The following DMD variants were observed in gnomAD, a reference collection of about 807,000 sequenced individuals.
DMD encodes mutant dystrophin.
Under a neutral mutation model 330.1 loss-of-function variants are expected in DMD, and 63 were observed. The ratio of observed to expected loss-of-function variants is 0.19; its 90% CI spans 0.16 to 0.24. The LOEUF (loss-of-function observed/expected upper bound fraction) is 0.24. Ranked by LOEUF, DMD falls within the 10% of genes least tolerant of loss-of-function variation. DMD has a pLI of 1.00. For missense variants in DMD, 3,344 were observed against 2,684.1 expected (o/e 1.25, Z -5.43); for synonymous variants, 1,223 against 959.8 (o/e 1.27, Z -5.07).
At chrX:31,976,616 T>A (rs945622353) in intron 44 of DMD, among the ~76,000 whole-genome samples, 2 of 111,212 alleles carry the variant, frequency 1.8e-5, no homozygotes, top group Middle Eastern at 4.6e-3. Context: ...CCCCACAAAT[T>A]TGAAGAAAAT....
chrX:32,184,832 CTTTTTTTTTTT>C (rs78157427), intron 44 of DMD, among the ~76,000 whole-genome samples: 4 of 60,675 alleles, frequency 6.6e-5, no homozygotes, highest in African/African-American at 1.8e-4. Context: ...CTACAGATGT[CTTTTTTTTTTT>C]TTTTTTTTTT....
intron 1 of DMD, among the ~76,000 whole-genome samples, chrX:33,066,461 A>AAAGGAAGGAAGG (rs11283208): frequency 7.1e-5 from 6 of 84,203 alleles, no homozygotes; most frequent in East Asian, 4.9e-4. Context: ...AAAAAAAAAA[A>AAAGGAAGGAAGG]AAGGAAGGAA....
rs1475894426 is a variant in DMD, at chrX:31,968,335, C to T, written c.6614+4G>A. The T allele has an allele frequency of 8.3e-7, 1 of 1,209,973 alleles. No individual in the cohort carries two copies. The highest frequency in any genetic ancestry group is 2.2e-5 in the Admixed American group (1 of 45,913). ...TTTCATTCCTATTAGATCTGTCGCC[C>T]TACCTCTTTTTTCTGTCTGACAGCT... On this transcript the variant is annotated splice_donor_region_variant and intron_variant, in intron 45 of 78. Transcript: ENST00000357033.
At chrX:31,850,546 T>A (rs151301729) in intron 48 of DMD, among the ~76,000 whole-genome samples, 3,012 of 112,288 alleles carry the variant, frequency 0.027, 45 homozygotes, top group Non-Finnish European at 0.044. Context: ...GCTGGAACTT[T>A]AAAGGCAGTT....
At chrX:31,665,776 T>C (rs1048304779) in intron 53 of DMD, among the ~76,000 whole-genome samples, 3 of 111,972 alleles carry the variant, frequency 2.7e-5, no homozygotes, top group African/African-American at 9.7e-5. Flanking sequence ...ATTTTCTGTC[T>C]TACATGGCTT....
intron 9 of DMD, among the ~76,000 whole-genome samples, chrX:32,695,712 A>G (rs1459904852): frequency 8.9e-6 from 1 of 111,906 alleles, no homozygotes; most frequent in Non-Finnish European, 1.9e-5. Flanking sequence ...CAGAGATACA[A>G]TGATCATTTG....
At chrX:33,291,726 A>G (rs1186088497) in intron 1 of DMD, among the ~76,000 whole-genome samples, 3 of 110,946 alleles carry the variant, frequency 2.7e-5, no homozygotes, top group South Asian at 3.8e-4. Flanking sequence ...GCTTCGATAT[A>G]TGTTACCCTA....
chrX:31,317,391 A>T (rs994507327), intron 62 of DMD, among the ~76,000 whole-genome samples: 16 of 111,737 alleles, frequency 1.4e-4, no homozygotes, highest in Non-Finnish European at 2.4e-4. Flanking sequence ...TATATACTAC[A>T]TGATGTGTTC....
chrX:31,863,577 A>G (rs1485320839), intron 48 of DMD, among the ~76,000 whole-genome samples: 3 of 111,901 alleles, frequency 2.7e-5, no homozygotes, highest in Admixed American at 1.9e-4. Context: ...GGTACCATCA[A>G]ATACCCATCC....
intron 2 of DMD, among the ~76,000 whole-genome samples, chrX:32,941,640 T>C (rs747791676): frequency 9.1e-6 from 1 of 110,400 alleles, no homozygotes; most frequent in Non-Finnish European, 1.9e-5. Flanking sequence ...CGATAGACAC[T>C]AGGGATTACT....
At chrX:32,454,063 C>T (rs912268632) in intron 26 of DMD, among the ~76,000 whole-genome samples, 4 of 110,327 alleles carry the variant, frequency 3.6e-5, no homozygotes, top group African/African-American at 1.3e-4. Flanking sequence ...CAAGGCCATA[C>T]GAAATGCCAC....
At chrX:31,289,828 T>C (rs182553828) in intron 62 of DMD, among the ~76,000 whole-genome samples, 1 of 110,612 alleles carries the variant, frequency 9.0e-6, no homozygotes, top group African/African-American at 3.3e-5. Flanking sequence ...AATTTATTTT[T>C]TAGTTTAGTA....
chrX:33,002,240 G>C (rs564435719), intron 2 of DMD, among the ~76,000 whole-genome samples: 1 of 110,821 alleles, frequency 9.0e-6, no homozygotes, highest in South Asian at 3.9e-4. Flanking sequence ...ACTAGTGGAG[G>C]GTGCCCAGGT....
At chrX:32,335,250 G>T (rs1173702597) in intron 41 of DMD, among the ~76,000 whole-genome samples, 1 of 108,713 alleles carries the variant, frequency 9.2e-6, no homozygotes, top group Admixed American at 1.0e-4. Flanking sequence ...TGCCCAGGCT[G>T]TAGTGCAGTG....
chrX:32,361,711 C>T (rs1182072203), intron 37 of DMD, among the ~76,000 whole-genome samples: 1 of 111,344 alleles, frequency 9.0e-6, no homozygotes, highest in Non-Finnish European at 1.9e-5. Flanking sequence ...TGAAACCATG[C>T]TATTACTGGT....
In DMD at chrX:32,462,070, G is replaced by A. The variant is rs189242178; in HGVS notation, c.3432+1369C>T. 7.5e-3 allele frequency among the ~76,000 whole-genome samples: 830 copies of A among 110,362 alleles called. 7 individuals carry two copies. The highest frequency in any genetic ancestry group is 0.028 in the Middle Eastern group (6 of 215). ...ACCAAAGACCAACTGCCTCTAACAC[G>A]TAAATTGAAACCCCTTATTAATTTC... On this transcript the variant is annotated intron_variant, in intron 25 of 78. Coordinates refer to ENST00000357033, the MANE Select transcript of DMD (RefSeq NM_004006.3).
chrX:32,472,723 G>A (rs2040793474), intron 21 of DMD, among the ~76,000 whole-genome samples: 1 of 110,104 alleles, frequency 9.1e-6, no homozygotes, highest in African/African-American at 3.3e-5. Flanking sequence ...CATTTGCCTT[G>A]GAAAAAAAAT....
chrX:32,430,017 CT>C lies in DMD; in HGVS notation c.4071+8223del, dbSNP rs748934654. Among the ~76,000 whole-genome samples, 11 of 110,828 alleles carry C rather than the reference CT, an allele frequency of 9.9e-5. No individual in the cohort carries two copies. The East Asian group carries it at 2.0e-3, about 20-fold the overall frequency. On this transcript the variant is annotated intron_variant, in intron 29 of 78. Coordinates refer to ENST00000357033, the MANE Select transcript of DMD (RefSeq NM_004006.3). ...AAGGGTCTATTGGGGTAAAATTTCA[CT>C]TTTTTTTCACTCTGATAATGTCTAA...
In DMD at chrX:31,207,991, C is replaced by T. The variant is rs151333165; in HGVS notation, c.9564-1324G>A. Among the ~76,000 whole-genome samples, 817 of 111,088 alleles carry T rather than the reference C, an allele frequency of 7.4e-3. 12 individuals are homozygous for T. The highest frequency in any genetic ancestry group is 0.025 in the African/African-American group (761 of 30,544). ...TGTAACAGACCTTCACATAATACCC[C>T]GAAACCTAAAATTAAAGTTAAAAAG... On this transcript the variant is annotated intron_variant, in intron 65 of 78. Coordinates refer to ENST00000357033, the MANE Select transcript of DMD (RefSeq NM_004006.3).
Sources: allele counts gnomAD v4.1 joint callset (sites outside exome capture counted in the v4.1 genomes callset), GRCh38; gene constraint gnomAD v4.1.1; transcripts MANE v1.5; gene names NCBI Gene and HGNC (gene_info 2026-07-23, HGNC 2026-07-21).